The following AFAP1L2 variants were observed in gnomAD, a reference collection of about 807,000 sequenced individuals.
AFAP1L2 encodes the protein actin filament associated protein 1 like 2, also known as actin filament-associated protein 1-like 2.
In AFAP1L2, 46 loss-of-function variants were observed where a neutral mutation model predicts 99.3. That is an observed-to-expected ratio of 0.46 (90% CI 0.37 to 0.59). The LOEUF is 0.59. AFAP1L2 is among the 20% of genes least tolerant of loss of function. The pLI is 0.00. For synonymous variants in AFAP1L2, 397 were observed against 419.1 expected, an observed-to-expected ratio of 0.95 and a Z score of 0.64; for missense variants, 959 against 1,034.9, an observed-to-expected ratio of 0.93 and a Z score of 1.01.
chr10:114,340,713 G>T lies in AFAP1L2; in HGVS notation c.35C>A (p.Thr12Lys). The T allele has an allele frequency of 2.5e-6, 4 of 1,614,232 alleles. No homozygotes were observed. Among genetic ancestry groups the T allele is most frequent in the Non-Finnish European group, 2.5e-6 (3 of 1,180,036 alleles). The change falls in exon 2 of 19, where the codon ACA (threonine) becomes AAA (lysine). Residue 12 changes from threonine (T) to lysine (K), a missense_variant. Around this residue, in one of 2 missense-constraint regions of AFAP1L2, gnomAD observed 383 missense variants for 472.8 expected, o/e 0.81. Transcript: ENST00000304129. ...AATCTTGAGGAAGTCATCCAACTCT[G>T]TCAGCAGCTGTTCCAGGGCTAGGGA... ...ERYKALEQLL[T>K]ELDDFLKILD...
At chr10:114,301,332 C>G (rs2041147707) in intron 13 of AFAP1L2, 22 bp downstream of exon 13, 1 of 1,592,298 alleles carries the variant, frequency 6.3e-7, no homozygotes, top group African/African-American at 1.3e-5. Flanking sequence ...AGGCCCAGGC[C>G]ACTGCCTGGC....
chr10:114,313,041 C>T (rs2043501697), intron 7 of AFAP1L2, among the ~76,000 whole-genome samples: 1 of 151,252 alleles, frequency 6.6e-6, no homozygotes, highest in African/African-American at 2.4e-5. Context: ...TTATGTTTAG[C>T]TGGGTGGCAG....
At chr10:114,312,791 C>T (rs576349451) in intron 7 of AFAP1L2, among the ~76,000 whole-genome samples, 3 of 152,182 alleles carry the variant, frequency 2.0e-5, no homozygotes, top group Admixed American at 2.0e-4. Flanking sequence ...TTCTACATAC[C>T]ACTGTCTTTC....
chr10:114,320,963 G>A (rs2045168084), intron 5 of AFAP1L2, among the ~76,000 whole-genome samples: 1 of 152,192 alleles, frequency 6.6e-6, no homozygotes, highest in African/African-American at 2.4e-5. Context: ...AATGCTAAGT[G>A]CTGGCTGCCC....
intron 1 of AFAP1L2, among the ~76,000 whole-genome samples, chr10:114,391,784 T>G (rs2057186105): frequency 6.6e-6 from 1 of 152,130 alleles, no homozygotes; most frequent in Non-Finnish European, 1.5e-5. Context: ...TTCAAACCAA[T>G]TGACCAGCAC....
At chr10:114,315,095 T>C (rs635985) in intron 6 of AFAP1L2, among the ~76,000 whole-genome samples, 144,118 of 151,912 alleles carry the variant, frequency 0.95, 68,503 homozygotes, top group East Asian at 1. Context: ...GAGCCAAGAT[T>C]GCGCCACTGC....
At chr10:114,367,908 T>C (rs2053523460) in intron 1 of AFAP1L2, among the ~76,000 whole-genome samples, 1 of 152,162 alleles carries the variant, frequency 6.6e-6, no homozygotes, top group South Asian at 2.1e-4. Context: ...AGCATGGCAT[T>C]TGGAATAATT....
At position 114,295,920 on chromosome 10, in the gene AFAP1L2, T is replaced by G. The variant is rs1328409638; in HGVS notation, c.*122A>C. The G allele has an allele frequency of 1.3e-6, 2 of 1,586,628 alleles. No individual in the cohort carries two copies. Among genetic ancestry groups the G allele is most frequent in the Non-Finnish European group, 1.7e-6 (2 of 1,165,130 alleles). ...CTTAGCTGAAGCTCTCCATTCACAG[T>G]ACCTCAGTCTTTGCTTTTTCTTCTA... On this transcript the variant is annotated 3_prime_UTR_variant, in exon 19 of 19. Transcript: ENST00000304129.
chr10:114,404,335 G>A, intron 1 of AFAP1L2, 105 bp downstream of exon 1: 2 of 1,294,674 alleles, frequency 1.5e-6, no homozygotes, highest in Non-Finnish European at 2.2e-6. Flanking sequence ...GGGGCAGTGG[G>A]CTCTGCTTAT....
intron 1 of AFAP1L2, among the ~76,000 whole-genome samples, chr10:114,358,930 A>T (rs1478373312): frequency 7.0e-6 from 1 of 143,396 alleles, no homozygotes; most frequent in African/African-American, 2.5e-5. Flanking sequence ...TAAAAAAAAA[A>T]AGAAAATAGA....
In AFAP1L2 at chr10:114,340,735, G is replaced by C; in HGVS notation, c.17-4C>G. 1 of 1,614,172 alleles carries C rather than the reference G, an allele frequency of 6.2e-7. No homozygotes were observed. Among genetic ancestry groups the C allele is most frequent in the Non-Finnish European group, 8.5e-7 (1 of 1,180,012 alleles). On this transcript the variant is annotated splice_polypyrimidine_tract_variant and splice_region_variant and intron_variant, in intron 1 of 18. Coordinates refer to ENST00000304129, the MANE Select transcript of AFAP1L2 (RefSeq NM_001001936.3). Reference sequence around the variant, plus strand: ...TCTGTCAGCAGCTGTTCCAGGGCTAGGGACAGGAAACAGAAGAAACTTATA... The same window carrying C: ...TCTGTCAGCAGCTGTTCCAGGGCTACGGACAGGAAACAGAAGAAACTTATA...
rs1338303818 is a variant in AFAP1L2 at position 114,314,931 on chromosome 10, C to T, written c.612+629G>A. Reference sequence around the variant, plus strand: ...GCTGAGGCAGGCAGATCACAAAGTCCGGAGTTCGAGACCAGCCTGACCAAC... The same window carrying T: ...GCTGAGGCAGGCAGATCACAAAGTCTGGAGTTCGAGACCAGCCTGACCAAC... On this transcript the variant is annotated intron_variant, in intron 6 of 18. Transcript: ENST00000304129. Among the ~76,000 whole-genome samples, 7 of 152,210 alleles carry T rather than the reference C, an allele frequency of 4.6e-5. No individual in the cohort carries two copies. In the South Asian group the frequency reaches 8.3e-4, roughly 18 times the overall value.
intron 6 of AFAP1L2, among the ~76,000 whole-genome samples, chr10:114,315,265 A>G (rs188710263): frequency 1.4e-4 from 20 of 145,048 alleles, no homozygotes; most frequent in African/African-American, 4.7e-4. Context: ...GGGGACAGAA[A>G]GATGTATCTG....
At chr10:114,326,001 A>G in intron 4 of AFAP1L2, 1 of 1,280,528 alleles carries the variant, frequency 7.8e-7, no homozygotes, top group East Asian at 5.7e-5. Flanking sequence ...TCTGGAGAAA[A>G]GCTCTGGGCA....
chr10:114,310,850 C>G (rs1185936372), intron 7 of AFAP1L2, among the ~76,000 whole-genome samples: 2 of 152,196 alleles, frequency 1.3e-5, no homozygotes, highest in Admixed American at 6.5e-5. Flanking sequence ...TCTGGCTTTT[C>G]AGAGGTCATG....
chr10:114,370,862 A>C (rs1178762674), intron 1 of AFAP1L2, among the ~76,000 whole-genome samples: 1 of 152,170 alleles, frequency 6.6e-6, no homozygotes, highest in Non-Finnish European at 1.5e-5. Flanking sequence ...ATTTCTCTCC[A>C]TCTGGAATTC....
downstream of AFAP1L2, among the ~76,000 whole-genome samples, chr10:114,291,732 C>T (rs1187516872): frequency 6.6e-6 from 1 of 152,216 alleles, no homozygotes; most frequent in Admixed American, 6.5e-5. Context: ...AGCAGCTTTT[C>T]CACTTCCCCA....
At chr10:114,291,196 C>G, downstream of AFAP1L2, 4 of 1,550,438 alleles carry the variant, frequency 2.6e-6, no homozygotes, top group Non-Finnish European at 3.5e-6. Context: ...CTCCTGTCCT[C>G]AGACTTCACT....
In AFAP1L2 at chr10:114,377,085, G is replaced by A. The variant is rs547352557; in HGVS notation, c.16+27355C>T. On this transcript the variant is annotated intron_variant, in intron 1 of 18. Transcript: ENST00000304129. This position sits in a 1 kb window ranked among gnomAD's most constrained non-coding sequence, Gnocchi z 4.0. ...TACAAGACAAGGTCATAATACATGTGAAACATCTCCTTTGGTCCATGGTTT... is the reference window on the plus strand; with the variant it reads ...TACAAGACAAGGTCATAATACATGTAAAACATCTCCTTTGGTCCATGGTTT... Among the ~76,000 whole-genome samples the A allele has an allele frequency of 3.9e-3, 599 of 152,284 alleles. 2 individuals are homozygous for A. The highest frequency in any genetic ancestry group is 6.4e-3 in the Non-Finnish European group (433 of 68,028).
Sources: gnomAD v4.1 joint callset for allele counts (sites outside exome capture counted in the v4.1 genomes callset) on GRCh38, gnomAD v4.1.1 for gene constraint, gnomAD v4.1.1 regional missense constraint, Gnocchi (gnomAD v3.1) non-coding constraint, MANE v1.5 for transcripts, NCBI Gene and HGNC (gene_info 2026-07-23, HGNC 2026-07-21) for gene names.